The following STK24 variants were observed in gnomAD, a reference collection of about 807,000 sequenced individuals.
STK24 encodes the protein serine/threonine kinase 24.
Under a neutral mutation model 55.6 loss-of-function variants are expected in STK24, and 21 were observed. That is an observed-to-expected ratio of 0.38 (90% CI 0.27 to 0.54). The LOEUF is 0.54. STK24 is among the 20% of genes least tolerant of loss of function. STK24 has a pLI of 0.79. For synonymous variants in STK24, 200 were observed against 215.2 expected (o/e 0.93, Z 0.62); for missense variants, 383 against 538.4 (o/e 0.71, Z 2.86).
At chr13:98,524,996 G>A (rs1792669292) in intron 1 of STK24, among the ~76,000 whole-genome samples, 3 of 152,252 alleles carry the variant, frequency 2.0e-5, no homozygotes, top group Admixed American at 6.5e-5. Flanking sequence ...CAAGAAGGCA[G>A]CCATCTGCTG....
chr13:98,457,422 TC>T, intron 9 of STK24, 118 bp from the exon 10 acceptor site: 2 of 1,434,536 alleles, frequency 1.4e-6, no homozygotes, highest in Non-Finnish European at 1.9e-6. Context: ...CCCCAGGGTG[TC>T]CGGGAAAAGC....
chr13:98,528,683 G>A (rs1896499461), intron 1 of STK24, among the ~76,000 whole-genome samples: 1 of 151,926 alleles, frequency 6.6e-6, no homozygotes, highest in African/African-American at 2.4e-5. Flanking sequence ...ATCATTTCTG[G>A]CAATGAAAAA....
chr13:98,511,050 G>A (rs2139365221), intron 2 of STK24, among the ~76,000 whole-genome samples: 1 of 152,232 alleles, frequency 6.6e-6, no homozygotes, highest in East Asian at 1.9e-4. Flanking sequence ...CCAGGCTGGG[G>A]TACAATGGCA....
intron 2 of STK24, among the ~76,000 whole-genome samples, chr13:98,488,731 T>C (rs761323701): frequency 5.3e-5 from 8 of 152,134 alleles, no homozygotes; most frequent in Admixed American, 2.6e-4. Flanking sequence ...CCCGGAATCA[T>C]TGACCGGAAC....
rs1030504863 is a variant in STK24 at position 98,447,484 on chromosome 13, A to ATCT, written c.*5688_*5689insAGA. ...GACAAAGGGTCCAGCCTTGCAGTCC[A>ATCT]GATCCTGAAAGGCCTGGGACAAGGC... On this transcript the variant is annotated 3_prime_UTR_variant, in exon 11 of 11. Transcript: ENST00000539966. 10 of 152,432 alleles carry ATCT rather than the reference A, an allele frequency of 6.6e-5. No homozygotes were observed. Among genetic ancestry groups the ATCT allele is most frequent in the African/African-American group, 2.4e-4 (10 of 41,454 alleles). 9.4% of individuals were successfully genotyped at this position (152,432 alleles called of 1,614,324 possible). A position where few individuals can be genotyped will look rare whatever the true frequency, so the allele number is the denominator to read the frequency against.
At chr13:98,463,624 C>G (rs529773604) in intron 7 of STK24, 67 bp downstream of exon 7, 1 of 1,507,174 alleles carries the variant, frequency 6.6e-7, no homozygotes, top group East Asian at 2.4e-5. Flanking sequence ...AAACCCACAC[C>G]AAACAGTGAC....
At chr13:98,456,898 T>TATTCCTCTTA in intron 10 of STK24, 6 of 540,578 alleles carry the variant, frequency 1.1e-5, no homozygotes, top group Non-Finnish European at 2.0e-5. Flanking sequence ...AGGAAACAGG[T>TATTCCTCTTA]ATTTCACCAC....
chr13:98,448,119 G>C lies in STK24; in HGVS notation c.*5054C>G. ...TGTTCCCTTGCTCTTCTGCTGAAGT[G>C]GCAGATTACCAACCAGGCGGCCTGA... On this transcript the variant is annotated 3_prime_UTR_variant, in exon 11 of 11. Transcript: ENST00000539966. 1.2e-6 allele frequency: 1 copy of C among 814,870 alleles called. No homozygotes were observed. The highest frequency in any genetic ancestry group is 2.1e-6 in the Non-Finnish European group (1 of 472,968). 50.5% of individuals were successfully genotyped at this position (814,870 alleles called of 1,614,324 possible).
intron 3 of STK24, among the ~76,000 whole-genome samples, chr13:98,477,320 G>C (rs1894414635): frequency 6.6e-6 from 1 of 152,190 alleles, no homozygotes; most frequent in Admixed American, 6.5e-5. Flanking sequence ...AGATGCCGGA[G>C]TGTTTGCTTT....
intron 1 of STK24, among the ~76,000 whole-genome samples, chr13:98,565,536 G>A (rs769626593): frequency 1.3e-5 from 2 of 151,522 alleles, no homozygotes; most frequent in Non-Finnish European, 2.9e-5. Context: ...GGAGGCTGAG[G>A]CAGGAGAATT....
chr13:98,515,548 C>T (rs1896028606), intron 2 of STK24, among the ~76,000 whole-genome samples: 1 of 152,060 alleles, frequency 6.6e-6, no homozygotes, highest in African/African-American at 2.4e-5. Flanking sequence ...TGTATTGTTC[C>T]TTCTCCTCCC....
At chr13:98,517,594 CACT>C (rs368118402) in intron 2 of STK24, among the ~76,000 whole-genome samples, 1 of 152,310 alleles carries the variant, frequency 6.6e-6, no homozygotes, top group African/African-American at 2.4e-5. Context: ...CGCCCCACTA[CACT>C]CCAGTCTGGG....
At chr13:98,570,863 G>A (rs1897720383) in intron 1 of STK24, among the ~76,000 whole-genome samples, 1 of 152,172 alleles carries the variant, frequency 6.6e-6, no homozygotes, top group Non-Finnish European at 1.5e-5. Context: ...GGAAATGACT[G>A]CTACAAACTA....
At chr13:98,459,926 C>A (rs924136174) in intron 9 of STK24, among the ~76,000 whole-genome samples, 3 of 152,198 alleles carry the variant, frequency 2.0e-5, no homozygotes, top group Non-Finnish European at 2.9e-5. Context: ...GGAGGCCCAG[C>A]TGGGAGCACA....
intron 2 of STK24, among the ~76,000 whole-genome samples, chr13:98,518,982 TA>T (rs1206649244): frequency 6.6e-6 from 1 of 152,260 alleles, no homozygotes; most frequent in African/African-American, 2.4e-5. Context: ...GAAACAGTTT[TA>T]ATGACAAAGT....
intron 1 of STK24, chr13:98,522,144 C>T: frequency 8.3e-7 from 1 of 1,211,428 alleles, no homozygotes; most frequent in Non-Finnish European, 1.0e-6. Context: ...TCAACCACGC[C>T]CTCCCCCTCC....
At chr13:98,468,365 A>G (rs1448190076) in intron 5 of STK24, among the ~76,000 whole-genome samples, 1 of 152,244 alleles carries the variant, frequency 6.6e-6, no homozygotes, top group Non-Finnish European at 1.5e-5. Flanking sequence ...TTTATCTTGC[A>G]TTGCATTATC....
chr13:98,512,796 C>T (rs1895930310), intron 2 of STK24, among the ~76,000 whole-genome samples: 1 of 152,210 alleles, frequency 6.6e-6, no homozygotes, highest in Admixed American at 6.5e-5. Context: ...GGAATATTAA[C>T]TTTTGTAGAA....
chr13:98,533,821 C>T (rs1896641773), intron 1 of STK24, among the ~76,000 whole-genome samples: 1 of 152,064 alleles, frequency 6.6e-6, no homozygotes, highest in African/African-American at 2.4e-5. Context: ...TAGGAAACCA[C>T]TGTTTGAAGC....
Sources: gnomAD v4.1 joint callset for allele counts (sites outside exome capture counted in the v4.1 genomes callset) on GRCh38, gnomAD v4.1.1 for gene constraint, MANE v1.5 for transcripts, NCBI Gene and HGNC (gene_info 2026-07-23, HGNC 2026-07-21) for gene names.